ERMP1: variants seen among roughly 807,000 people sequenced by gnomAD.
ERMP1 encodes the protein Felix-ina.
A neutral mutation model predicts 92.0 loss-of-function variants in ERMP1; 86 were observed. The ratio of observed to expected loss-of-function variants is 0.93; its 90% confidence interval spans 0.79 to 1.12. ERMP1 has a LOEUF of 1.12. Ranked by LOEUF, ERMP1 falls within the 50% of genes most tolerant of loss-of-function variation. The probability of loss-of-function intolerance (pLI) is 0.00; values close to 1 mark genes in which losing one functional copy is unlikely to be tolerated. For missense variants in ERMP1, 1,342 were observed against 1,116.3 expected (o/e 1.20, Z -2.88); for synonymous variants, 530 against 412.8 (o/e 1.28, Z -3.44).
intron 4 of ERMP1, among the ~76,000 whole-genome samples, chr9:5,815,369 A>G (rs576160682): frequency 1.3e-5 from 2 of 152,230 alleles, no homozygotes; most frequent in African/African-American, 4.8e-5. Flanking sequence ...AGACATGTCA[A>G]AGGGGCTCAG....
intron 4 of ERMP1, among the ~76,000 whole-genome samples, chr9:5,814,674 G>A (rs1829235773): frequency 6.6e-6 from 1 of 152,130 alleles, no homozygotes; most frequent in African/African-American, 2.4e-5. Flanking sequence ...AGGCTGCACT[G>A]AGCCAAGATT....
chr9:5,858,886 G>C (rs1367520358), intron 6 of ERMP1, among the ~76,000 whole-genome samples: 1 of 152,222 alleles, frequency 6.6e-6, no homozygotes, highest in Non-Finnish European at 1.5e-5. Flanking sequence ...TGTGGGACCA[G>C]GCAGGCTTCA....
intron 6 of ERMP1, among the ~76,000 whole-genome samples, chr9:5,857,853 G>C (rs1830399308): frequency 6.6e-6 from 1 of 152,214 alleles, no homozygotes; most frequent in South Asian, 2.1e-4. Flanking sequence ...TATGTTCTGT[G>C]AGGTGTCTAG....
rs1484742886 is a variant in ERMP1, at chr9:5,785,271, T to TTCACAGGGAACACTAATTATATCAGA, written c.*1847_*1872dup. 1 of 152,216 alleles carries TTCACAGGGAACACTAATTATATCAGA rather than the reference T, an allele frequency of 6.6e-6. No individual in the cohort carries two copies. The highest frequency in any genetic ancestry group is 1.5e-5 in the Non-Finnish European group (1 of 68,034). 9.4% of individuals were successfully genotyped at this position (152,216 alleles called of 1,614,324 possible). ...GCATCCTTCCCATAGAGGGGGGGAA[T>TTCACAGGGAACACTAATTATATCAGA]TCACAGGGAACACTAATTATATCAG... On this transcript the variant is annotated 3_prime_UTR_variant, in exon 15 of 15. Coordinates refer to ENST00000339450, the MANE Select transcript of ERMP1 (RefSeq NM_024896.3).
chr9:5,852,085 A>T (rs1203039013), intron 6 of ERMP1, among the ~76,000 whole-genome samples: 1 of 152,186 alleles, frequency 6.6e-6, no homozygotes, highest in African/African-American at 2.4e-5. Flanking sequence ...ATACATGCTC[A>T]AGTAAAGCAA....
rs1265316327 is a variant in ERMP1, at chr9:5,810,137, G to C, written c.1422C>G (p.Phe474Leu). 6.2e-7 allele frequency: 1 copy of C among 1,613,948 alleles called. No individual in the cohort carries two copies. Among genetic ancestry groups the C allele is most frequent in the Non-Finnish European group, 8.5e-7 (1 of 1,179,850 alleles). The change falls in exon 8 of 15, where the codon TTC (phenylalanine) becomes TTG (leucine). Residue 474 changes from phenylalanine (F) to leucine (L), a missense_variant. Physicochemically the swap from Phe to Leu is conservative, Grantham distance 22. Transcript: ENST00000339450. The part of the protein sequence containing the change: ...SLVTVLIIAV[F>L]ISLIGQSLSW... ...AGAGAGACTGTCCAATAAGAGAGAT[G>C]AACACTGCTATAATGAGAACGGTAA... is the stretch of plus-strand genomic sequence containing the variant.
At chr9:5,848,970 C>T (rs1467365178) in intron 6 of ERMP1, among the ~76,000 whole-genome samples, 1 of 152,016 alleles carries the variant, frequency 6.6e-6, no homozygotes, top group African/African-American at 2.4e-5. Context: ...GGAGAAGCCA[C>T]TTTGTACTTT....
At chr9:5,865,662 A>T (rs1389560880) in intron 5 of ERMP1, among the ~76,000 whole-genome samples, 1 of 150,734 alleles carries the variant, frequency 6.6e-6, no homozygotes, top group Non-Finnish European at 1.5e-5. Context: ...TCTCTACTAA[A>T]ACCTGGTCTC....
chr9:5,845,698 A>G (rs1830226143), intron 6 of ERMP1, among the ~76,000 whole-genome samples: 1 of 152,224 alleles, frequency 6.6e-6, no homozygotes, highest in Non-Finnish European at 1.5e-5. Context: ...ATCACACCAA[A>G]GAGAGGTTGT....
chr9:5,805,184 A>G lies in ERMP1; in HGVS notation c.1757T>C (p.Leu586Ser). The change falls in exon 10 of 15, where the codon TTG (leucine) becomes TCG (serine). Residue 586 changes from leucine to serine, a missense_variant. Physicochemically the swap from Leu to Ser is moderately radical, Grantham distance 145 (BLOSUM62 -2). Transcript: ENST00000339450. ...AQGKFIAFYL[L>S]GMFIPYLYAL... ...ATAAAGATAAGGAATAAACATCCCC[A>G]AAAGGTAAAAAGCAATAAATTTTCC... is the stretch of plus-strand genomic sequence containing the variant. 1 of 1,609,982 alleles carries G rather than the reference A, an allele frequency of 6.2e-7. No individual in the cohort carries two copies.
At chr9:5,829,411 C>T (rs906329318) in intron 2 of ERMP1, among the ~76,000 whole-genome samples, 2 of 152,122 alleles carry the variant, frequency 1.3e-5, no homozygotes, top group African/African-American at 4.8e-5. Context: ...ATTTTACTTA[C>T]ATTTTGTATA....
chr9:5,850,552 A>G (rs1189188321), intron 6 of ERMP1, among the ~76,000 whole-genome samples: 1 of 151,986 alleles, frequency 6.6e-6, no homozygotes, highest in Non-Finnish European at 1.5e-5. Flanking sequence ...ACTCTGAGAT[A>G]CCGTGAAGTT....
intron 6 of ERMP1, among the ~76,000 whole-genome samples, chr9:5,849,103 AC>A (rs1301194356): frequency 6.6e-6 from 1 of 152,084 alleles, no homozygotes; most frequent in Non-Finnish European, 1.5e-5. Flanking sequence ...GCTCACTGCA[AC>A]CTCTGCCTCC....
Position 5,810,315 on chromosome 9 carries a change from C to T in ERMP1, c.1328-84G>A. 6.2e-6 allele frequency: 6 copies of T among 972,554 alleles called. No individual in the cohort carries two copies. In the South Asian group the frequency reaches 9.1e-5, roughly 15 times the overall value. The allele number at this position is 972,554 out of a possible 1,614,324, so 60.2% of individuals were successfully genotyped here. Reference sequence around the variant, plus strand: ...CAGTCAGTAGAGCTAAATGGGCAAACATTAAAACAAAAAACTCCCCACTGT... The same window carrying T: ...CAGTCAGTAGAGCTAAATGGGCAAATATTAAAACAAAAAACTCCCCACTGT... On this transcript the variant is annotated intron_variant, in intron 7 of 14. Transcript: ENST00000339450.
At chr9:5,804,947 C>T (rs1828814186) in intron 10 of ERMP1, 80 bp downstream of exon 10, 2 of 1,081,278 alleles carry the variant, frequency 1.8e-6, no homozygotes, top group Non-Finnish European at 2.7e-6. Context: ...ACACGTAACA[C>T]TATTTCACAG....
intron 11 of ERMP1, 40 bp from the exon 12 acceptor site, chr9:5,799,048 TACACCC>T: frequency 6.9e-7 from 1 of 1,442,262 alleles, no homozygotes; most frequent in Non-Finnish European, 9.7e-7. Context: ...TTTCAACTAG[TACACCC>T]ACATTCCCAC....
rs116879155 is a variant in ERMP1, at chr9:5,803,994, C to T, written c.1914+1033G>A. The stretch of plus-strand genomic sequence containing the variant: ...CTTTACTGGCTATAAGGGACTTCCA[C>T]GGATGATGCTGACCATGTGTGTAGT... On this transcript the variant is annotated intron_variant, in intron 10 of 14. Coordinates refer to ENST00000339450, the MANE Select transcript of ERMP1 (RefSeq NM_024896.3). 1.1e-4 allele frequency among the ~76,000 whole-genome samples: 17 copies of T among 152,244 alleles called. 1 individual carries two copies. Among genetic ancestry groups the T allele is most frequent in the Admixed American group, 8.5e-4 (13 of 15,292 alleles).
At chr9:5,794,645 T>C (rs1828340641) in intron 13 of ERMP1, among the ~76,000 whole-genome samples, 1 of 152,136 alleles carries the variant, frequency 6.6e-6, no homozygotes, top group African/African-American at 2.4e-5. Context: ...TCTGATAACC[T>C]AGATAAAATG....
intron 2 of ERMP1, among the ~76,000 whole-genome samples, chr9:5,830,428 C>G (rs1829894646): frequency 6.6e-6 from 1 of 152,158 alleles, no homozygotes; most frequent in Non-Finnish European, 1.5e-5. Context: ...GACACTAGGA[C>G]ACACACACTG....
Sources: gnomAD v4.1 joint callset for allele counts (sites outside exome capture counted in the v4.1 genomes callset) on GRCh38, gnomAD v4.1.1 for gene constraint, MANE v1.5 for transcripts, NCBI Gene and HGNC (gene_info 2026-07-23, HGNC 2026-07-21) for gene names.